The following IKZF3 variants were observed in gnomAD, a reference collection of about 807,000 sequenced individuals.
IKZF3 encodes the protein zinc finger protein Aiolos.
In IKZF3, 10 loss-of-function variants were observed where a neutral mutation model predicts 49.0. The ratio of observed to expected loss-of-function variants is 0.20; its 90% confidence interval spans 0.13 to 0.35. IKZF3 has a LOEUF of 0.35. Ranked by LOEUF, IKZF3 falls within the 10% of genes least tolerant of loss-of-function variation. The probability of loss-of-function intolerance (pLI) is 1.00; values close to 1 mark genes in which losing one functional copy is unlikely to be tolerated. For missense variants in IKZF3, 498 were observed against 664.8 expected (o/e 0.75, Z 2.76); for synonymous variants, 209 against 228.2 (o/e 0.92, Z 0.76).
rs544023242 is a variant in IKZF3 at position 39,847,209 on chromosome 17, C to T, written c.8-15058G>A. On this transcript the variant is annotated intron_variant, in intron 1 of 7. Transcript: ENST00000346872. ...TCTGCAAAATCCTTTACCAGTTCTC[C>T]GTATCACCATCATATATAATCATTC... Among the ~76,000 whole-genome samples, 23 of 152,182 alleles carry T rather than the reference C, an allele frequency of 1.5e-4. No homozygotes were observed. In the South Asian group the frequency reaches 3.5e-3, roughly 23 times the overall value.
intron 6 of IKZF3, among the ~76,000 whole-genome samples, chr17:39,787,311 T>C (rs908758223): frequency 4.6e-5 from 7 of 152,232 alleles, no homozygotes; most frequent in Non-Finnish European, 1.0e-4. Flanking sequence ...AATTGAGATA[T>C]AGAAGAACAT....
At chr17:39,804,707 T>A (rs1172247688) in intron 3 of IKZF3, among the ~76,000 whole-genome samples, 1 of 152,204 alleles carries the variant, frequency 6.6e-6, no homozygotes, top group East Asian at 1.9e-4. Context: ...CCCTTCCTGC[T>A]CCACCATTTT....
intron 6 of IKZF3, among the ~76,000 whole-genome samples, chr17:39,787,370 T>G (rs1001381650): frequency 2.0e-5 from 3 of 152,196 alleles, no homozygotes; most frequent in Non-Finnish European, 4.4e-5. Flanking sequence ...AATCACTGAA[T>G]AAAACAAGGA....
chr17:39,862,209 C>G (rs2063231795), intron 1 of IKZF3, among the ~76,000 whole-genome samples: 1 of 152,226 alleles, frequency 6.6e-6, no homozygotes, highest in African/African-American at 2.4e-5. Context: ...CATCTGACAT[C>G]TTCATACATA....
intron 7 of IKZF3, among the ~76,000 whole-genome samples, chr17:39,776,399 A>G (rs2060590123): frequency 6.6e-6 from 1 of 152,200 alleles, no homozygotes; most frequent in Non-Finnish European, 1.5e-5. Flanking sequence ...TAAACTCACC[A>G]TTTGTTTACT....
At chr17:39,829,317 A>G in intron 3 of IKZF3, 70 bp downstream of exon 3, 1 of 1,063,582 alleles carries the variant, frequency 9.4e-7, no homozygotes, top group Non-Finnish European at 1.4e-6. Context: ...TGGAGAGCTG[A>G]TTTCTTCTCT....
chr17:39,854,374 A>C (rs1431661190), intron 1 of IKZF3, among the ~76,000 whole-genome samples: 1 of 152,154 alleles, frequency 6.6e-6, no homozygotes, highest in African/African-American at 2.4e-5. Context: ...GCCATGGATC[A>C]AATGAAAAAC....
chr17:39,765,868 CAT>C lies in IKZF3; in HGVS notation c.1450_1451del (p.Met484ValfsTer7), dbSNP rs1235616883. 7 of 1,614,122 alleles carry C rather than the reference CAT, an allele frequency of 4.3e-6. No homozygotes were observed. The highest frequency in any genetic ancestry group is 2.2e-5 in the South Asian group (2 of 91,094). ...HGFRDPFECN[M>X]CGYRSHDRYE... The stretch of plus-strand genomic sequence containing the variant: ...ACCGATCATGGCTTCGATATCCACA[CAT>C]GTTACACTCGAAAGGGTCACGGAAG... On this transcript the variant is annotated frameshift_variant, in exon 8 of 8. Transcript: ENST00000346872. LOFTEE classifies it high-confidence loss of function.
Position 39,757,734 on chromosome 17 carries a change from ATTTT to A in IKZF3, c.*8052_*8055del, listed in dbSNP as rs1006649264. On this transcript the variant is annotated 3_prime_UTR_variant, in exon 8 of 8. Coordinates refer to ENST00000346872, the MANE Select transcript of IKZF3 (RefSeq NM_012481.5). Reference sequence around the variant, plus strand: ...AAGGACTAATTTCAAACATACCAGGATTTTTTTATTTTTCAGTGTAAAAATCAAA... The same window carrying A: ...AAGGACTAATTTCAAACATACCAGGATTTATTTTTCAGTGTAAAAATCAAA... 1 of 152,146 alleles carries A rather than the reference ATTTT, an allele frequency of 6.6e-6. No homozygotes were observed. The highest frequency in any genetic ancestry group is 6.6e-5 in the Admixed American group (1 of 15,264). 9.4% of individuals were successfully genotyped at this position (152,146 alleles called of 1,614,324 possible).
chr17:39,820,455 A>T lies in IKZF3; in HGVS notation c.163+8932T>A, dbSNP rs1166018429. ...TTAGAGACTATCTTTGGGTGGTAGG[A>T]TAGAGGTGGGGTTTTCTTTTTTCTT... On this transcript the variant is annotated intron_variant, in intron 3 of 7. Coordinates refer to ENST00000346872, the MANE Select transcript of IKZF3 (RefSeq NM_012481.5). Among the ~76,000 whole-genome samples, 3 of 152,276 alleles carry T rather than the reference A, an allele frequency of 2.0e-5. No homozygotes were observed. In the East Asian group the frequency reaches 5.8e-4, roughly 29 times the overall value.
chr17:39,851,878 C>T, intron 1 of IKZF3, among the ~76,000 whole-genome samples: 1 of 152,084 alleles, frequency 6.6e-6, no homozygotes, highest in East Asian at 1.9e-4. Flanking sequence ...GCAATTATAA[C>T]AGTATCTTCT....
At chr17:39,845,431 G>C (rs2062602227) in intron 1 of IKZF3, among the ~76,000 whole-genome samples, 1 of 151,886 alleles carries the variant, frequency 6.6e-6, no homozygotes, top group Admixed American at 6.6e-5. Context: ...GGGGGAGGCA[G>C]GAGAATCACT....
intron 7 of IKZF3, among the ~76,000 whole-genome samples, chr17:39,770,989 T>A (rs2060425296): frequency 6.6e-6 from 1 of 152,110 alleles, no homozygotes; most frequent in Non-Finnish European, 1.5e-5. Context: ...TATGATACCT[T>A]TTAAGGTATG....
chr17:39,765,827 T>C lies in IKZF3; in HGVS notation c.1493A>G (p.His498Arg). 1 of 1,612,584 alleles carries C rather than the reference T, an allele frequency of 6.2e-7. No homozygotes were observed. Residue 498 changes from histidine to arginine, a missense_variant, in exon 8 of 8, where the codon CAC becomes CGC. By Grantham distance (29) the His-to-Arg change is conservative. Around this residue, in one of 3 missense-constraint regions of IKZF3, gnomAD observed 317 missense variants for 397.3 expected, o/e 0.80. Coordinates refer to ENST00000346872, the MANE Select transcript of IKZF3 (RefSeq NM_012481.5). ...GGCTCTGTGTTCTCCTCTGGCTATG[T>C]GAGACGAGAACTCATACCGATCATG... The part of the protein sequence containing the change: ...RSHDRYEFSS[H>R]IARGEHRALL...
At chr17:39,826,414 A>G (rs1162659411) in intron 3 of IKZF3, among the ~76,000 whole-genome samples, 1 of 152,224 alleles carries the variant, frequency 6.6e-6, no homozygotes, top group East Asian at 1.9e-4. Flanking sequence ...AAGAAGGTAA[A>G]AACAAATCAG....
chr17:39,859,821 C>T (rs1390454616), intron 1 of IKZF3, among the ~76,000 whole-genome samples: 2 of 152,116 alleles, frequency 1.3e-5, no homozygotes, highest in African/African-American at 4.8e-5. Flanking sequence ...TTAATGAATC[C>T]TTAGGACAAA....
At chr17:39,816,886 G>A (rs1170195834) in intron 3 of IKZF3, among the ~76,000 whole-genome samples, 2 of 152,068 alleles carry the variant, frequency 1.3e-5, no homozygotes, top group African/African-American at 4.8e-5. Context: ...GCTAATTTTT[G>A]TATTTTTAGT....
At chr17:39,825,727 T>C (rs2061938635) in intron 3 of IKZF3, among the ~76,000 whole-genome samples, 2 of 152,202 alleles carry the variant, frequency 1.3e-5, no homozygotes, top group African/African-American at 4.8e-5. Context: ...TGAATATTAA[T>C]TGAAATTGCT....
At chr17:39,809,601 C>T (rs953284684) in intron 3 of IKZF3, among the ~76,000 whole-genome samples, 15 of 152,340 alleles carry the variant, frequency 9.8e-5, no homozygotes, top group Admixed American at 3.3e-4. Context: ...CAACCTATTG[C>T]TAGACTGCTG....
Sources: allele counts gnomAD v4.1 joint callset (sites outside exome capture counted in the v4.1 genomes callset), GRCh38; gene constraint gnomAD v4.1.1; regional missense constraint gnomAD v4.1.1; transcripts MANE v1.5; gene names NCBI Gene and HGNC (gene_info 2026-07-23, HGNC 2026-07-21).